Variants in TANGO6 observed in about 807,000 individuals in gnomAD.
The protein encoded by TANGO6 is transport and Golgi organization protein 6 homolog.
A neutral mutation model predicts 114.2 loss-of-function variants in TANGO6; 90 were observed. The ratio of observed to expected loss-of-function variants is 0.79; its 90% confidence interval spans 0.66 to 0.94. The LOEUF (loss-of-function observed/expected upper bound fraction) is 0.94. TANGO6 is among the 40% of genes least tolerant of loss of function. The probability of loss-of-function intolerance (pLI) is 0.00; values close to 1 mark genes in which losing one functional copy is unlikely to be tolerated. For synonymous variants in TANGO6, 477 were observed against 509.8 expected (o/e 0.94, Z 0.87); for missense variants, 1,274 against 1,315.3 (o/e 0.97, Z 0.49).
At chr16:68,981,997 T>C (rs1963840649) in intron 15 of TANGO6, among the ~76,000 whole-genome samples, 1 of 152,166 alleles carries the variant, frequency 6.6e-6, no homozygotes, top group Admixed American at 6.6e-5. Flanking sequence ...GGAGACACTT[T>C]TGGTTGTTAG....
chr16:69,043,494 A>G (rs1226058194), intron 17 of TANGO6, among the ~76,000 whole-genome samples: 1 of 151,370 alleles, frequency 6.6e-6, no homozygotes, highest in African/African-American at 2.4e-5. Flanking sequence ...TGAATGAAAA[A>G]CCTCCGCCTG....
intron 17 of TANGO6, among the ~76,000 whole-genome samples, chr16:69,049,685 C>T (rs941658720): frequency 2.0e-5 from 3 of 152,036 alleles, no homozygotes; most frequent in Non-Finnish European, 4.4e-5. Flanking sequence ...ACCACCCCTC[C>T]CCGCCCAGCC....
At chr16:69,037,577 A>G (rs1316178985) in intron 16 of TANGO6, among the ~76,000 whole-genome samples, 1 of 152,206 alleles carries the variant, frequency 6.6e-6, no homozygotes, top group African/African-American at 2.4e-5. Context: ...CTAAGCCTGA[A>G]AGTGGAGGTA....
chr16:69,012,556 CAAAAAAAAAAAAAAAAAAAAAAGG>C (rs1234276532), intron 15 of TANGO6, among the ~76,000 whole-genome samples: 7 of 36,512 alleles, frequency 1.9e-4, no homozygotes, highest in Admixed American at 1.8e-3. Flanking sequence ...AACTCTGTCT[CAAAAAAAAAAAAAAAAAAAAAAGG>C]AAAAAAAAAA....
chr16:69,080,863 G>A (rs1368908940), intron 17 of TANGO6, among the ~76,000 whole-genome samples: 1 of 152,172 alleles, frequency 6.6e-6, no homozygotes, highest in Non-Finnish European at 1.5e-5. Flanking sequence ...TCTAGGCCGG[G>A]CGCGGTGGCT....
At chr16:69,044,499 G>A (rs1276652116) in intron 17 of TANGO6, among the ~76,000 whole-genome samples, 4 of 152,094 alleles carry the variant, frequency 2.6e-5, no homozygotes, top group African/African-American at 9.7e-5. Context: ...CCATTTGCTT[G>A]TTTTAACCTA....
chr16:68,881,912 C>T (rs1010472177), intron 7 of TANGO6, among the ~76,000 whole-genome samples: 7 of 151,890 alleles, frequency 4.6e-5, no homozygotes, highest in Non-Finnish European at 1.0e-4. Flanking sequence ...TTTGGGAGGC[C>T]AAGGCAGGAG....
chr16:69,052,875 G>A (rs758880088), intron 17 of TANGO6, among the ~76,000 whole-genome samples: 3 of 152,052 alleles, frequency 2.0e-5, no homozygotes, highest in Admixed American at 6.6e-5. Flanking sequence ...TTGGGAGGCC[G>A]AGGTGGGTGG....
intron 17 of TANGO6, among the ~76,000 whole-genome samples, chr16:69,078,429 C>T (rs899318850): frequency 1.3e-5 from 2 of 152,194 alleles, no homozygotes; most frequent in African/African-American, 4.8e-5. Flanking sequence ...ACTCTGGGCC[C>T]AGACCATGTG....
intron 14 of TANGO6, among the ~76,000 whole-genome samples, chr16:68,932,041 G>A (rs1211185716): frequency 6.6e-6 from 1 of 151,322 alleles, no homozygotes; most frequent in Non-Finnish European, 1.5e-5. Flanking sequence ...TGAGTTGTAT[G>A]GTATGTGAGT....
intron 1 of TANGO6, among the ~76,000 whole-genome samples, chr16:68,851,918 A>G (rs1333133225): frequency 6.6e-6 from 1 of 152,206 alleles, no homozygotes; most frequent in Non-Finnish European, 1.5e-5. Context: ...ATTATGAGCA[A>G]GATTGATCAT....
chr16:69,054,449 G>C (rs1167471099), intron 17 of TANGO6, among the ~76,000 whole-genome samples: 1 of 152,162 alleles, frequency 6.6e-6, no homozygotes, highest in Admixed American at 6.6e-5. Context: ...CTGAGATTCT[G>C]TGGTACGTTA....
intron 17 of TANGO6, among the ~76,000 whole-genome samples, chr16:69,083,259 C>T (rs1445356321): frequency 6.6e-6 from 1 of 152,098 alleles, no homozygotes; most frequent in South Asian, 2.1e-4. Context: ...TGGGGTTTTG[C>T]CACGTTGCCC....
At chr16:69,021,032 TG>T (rs1959397486) in intron 15 of TANGO6, among the ~76,000 whole-genome samples, 1 of 152,052 alleles carries the variant, frequency 6.6e-6, no homozygotes. Context: ...CTTGGACCCT[TG>T]TTCCACCCTG....
intron 4 of TANGO6, among the ~76,000 whole-genome samples, chr16:68,870,582 C>T (rs927503660): frequency 1.3e-5 from 2 of 152,136 alleles, no homozygotes; most frequent in Non-Finnish European, 2.9e-5. Flanking sequence ...CCTCTTTTTC[C>T]TATGAGTTCC....
intron 14 of TANGO6, among the ~76,000 whole-genome samples, chr16:68,965,050 G>T (rs778911154): frequency 2.0e-5 from 3 of 152,162 alleles, no homozygotes; most frequent in Admixed American, 1.3e-4. Flanking sequence ...GATTTCTAGA[G>T]TAGAATTTCT....
chr16:68,859,196 G>A (rs937621721), intron 1 of TANGO6, among the ~76,000 whole-genome samples: 4 of 151,916 alleles, frequency 2.6e-5, no homozygotes, highest in Non-Finnish European at 4.4e-5. Flanking sequence ...TTTGAGACTG[G>A]GTCTTGCTCT....
intron 16 of TANGO6, 130 bp downstream of exon 16, chr16:69,023,109 G>A: frequency 1.0e-6 from 1 of 979,226 alleles, no homozygotes; most frequent in South Asian, 2.0e-5. Flanking sequence ...GACAGGGCAA[G>A]TGAGCCATTG....
At chr16:68,984,920 C>CT (rs942108287) in intron 15 of TANGO6, among the ~76,000 whole-genome samples, 7 of 150,412 alleles carry the variant, frequency 4.7e-5, no homozygotes, top group South Asian at 2.1e-4. Context: ...TTTCTTCAAG[C>CT]TTTTTTTTTC....
Sources: allele counts gnomAD v4.1 joint callset (sites outside exome capture counted in the v4.1 genomes callset), GRCh38; gene constraint gnomAD v4.1.1; transcripts MANE v1.5; gene names NCBI Gene and HGNC (gene_info 2026-07-23, HGNC 2026-07-21).